PUM1: variants seen among roughly 807,000 people sequenced by gnomAD.
PUM1 encodes pumilio homolog 1.
A neutral mutation model predicts 131.8 loss-of-function variants in PUM1; 13 were observed. The ratio of observed to expected loss-of-function variants is 0.10; its 90% confidence interval spans 0.06 to 0.16. The LOEUF (loss-of-function observed/expected upper bound fraction) is 0.16. PUM1 is among the 10% of genes least tolerant of loss of function. The probability of loss-of-function intolerance (pLI) is 1.00; values close to 1 mark genes in which losing one functional copy is unlikely to be tolerated. For synonymous variants in PUM1, 509 were observed against 556.5 expected (o/e 0.91, Z 1.20); for missense variants, 961 against 1,512.4 (o/e 0.64, Z 6.05).
intron 3 of PUM1, among the ~76,000 whole-genome samples, chr1:31,012,149 T>C (rs548468123): frequency 3.3e-5 from 5 of 152,080 alleles, no homozygotes; most frequent in Admixed American, 1.3e-4. Context: ...CTTCCTCCTA[T>C]AGCCAACCAT....
At chr1:31,002,062 T>C (rs757149332) in intron 5 of PUM1, among the ~76,000 whole-genome samples, 1 of 152,216 alleles carries the variant, frequency 6.6e-6, no homozygotes, top group Non-Finnish European at 1.5e-5. Flanking sequence ...TTTTCACATA[T>C]GCTACACAGC....
chr1:30,991,916 A>C (rs1641807608), intron 7 of PUM1, among the ~76,000 whole-genome samples: 1 of 152,222 alleles, frequency 6.6e-6, no homozygotes, highest in Admixed American at 6.5e-5. Flanking sequence ...TACTTTTGAA[A>C]GATGCCAGAT....
chr1:30,975,517 ATTTTTTTTTTTTT>A (rs751510345), intron 9 of PUM1, among the ~76,000 whole-genome samples: 1 of 84,162 alleles, frequency 1.2e-5, no homozygotes, highest in East Asian at 3.3e-4. Flanking sequence ...TACCTGACTA[ATTTTTTTTTTTTT>A]TTTTTTTTTT....
intron 1 of PUM1, among the ~76,000 whole-genome samples, chr1:31,059,987 C>T (rs1490740226): frequency 1.3e-5 from 2 of 151,672 alleles, no homozygotes; most frequent in African/African-American, 2.4e-5. Context: ...GCTGGTACTA[C>T]AGGCGCCCAC....
intron 2 of PUM1, chr1:31,050,934 T>C (rs544795152): frequency 8.4e-6 from 2 of 239,000 alleles, no homozygotes; most frequent in South Asian, 5.2e-5. Context: ...CTCTCTCTTG[T>C]TGCGTATGCT....
At chr1:30,990,303 G>A (rs141506058) in intron 7 of PUM1, among the ~76,000 whole-genome samples, 138 of 152,208 alleles carry the variant, frequency 9.1e-4, no homozygotes, top group African/African-American at 3.1e-3. Flanking sequence ...ACTATTAGAC[G>A]AGTAATCACA....
At chr1:30,971,188 T>G (rs930830224) in intron 10 of PUM1, among the ~76,000 whole-genome samples, 1 of 152,154 alleles carries the variant, frequency 6.6e-6, no homozygotes, top group Non-Finnish European at 1.5e-5. Flanking sequence ...CCTAGAACAG[T>G]CAGCTTGACT....
chr1:31,019,971 T>C (rs1642962624), intron 3 of PUM1, among the ~76,000 whole-genome samples: 1 of 152,126 alleles, frequency 6.6e-6, no homozygotes, highest in East Asian at 1.9e-4. Flanking sequence ...TAATATATTG[T>C]GTGATGCTGA....
rs187740862 is a variant in PUM1 at position 31,012,394 on chromosome 1, T to C, written c.433-5292A>G. On this transcript the variant is annotated intron_variant, in intron 3 of 21. Transcript: ENST00000426105. ...CTATCATCCCCAGCAATAAAATAAA[T>C]AGACCTTGTACTCTTTCTTGTAATG... is the stretch of plus-strand genomic sequence containing the variant. Among the ~76,000 whole-genome samples, 177 of 152,052 alleles carry C rather than the reference T, an allele frequency of 1.2e-3. 1 individual carries two copies. The highest frequency in any genetic ancestry group is 3.4e-3 in the Middle Eastern group (1 of 292).
At chr1:30,964,985 A>G in intron 13 of PUM1, 75 bp from the exon 14 acceptor site, 1 of 1,279,662 alleles carries the variant, frequency 7.8e-7, no homozygotes, top group Non-Finnish European at 1.1e-6. Flanking sequence ...CCTGTTCCTA[A>G]CACTTTGATC....
intron 1 of PUM1, 41 bp downstream of exon 1, chr1:31,065,575 T>C: frequency 6.5e-7 from 1 of 1,537,646 alleles, no homozygotes; most frequent in Non-Finnish European, 8.7e-7. Context: ...TCGTTAGGGG[T>C]CCGGAGCAGC....
intron 2 of PUM1, among the ~76,000 whole-genome samples, chr1:31,053,459 C>T (rs1644160920): frequency 6.6e-6 from 1 of 150,768 alleles, no homozygotes; most frequent in African/African-American, 2.4e-5. Flanking sequence ...GCCTGTAATC[C>T]CAGCACTTTG....
At chr1:30,956,434 T>C (rs951571273) in intron 14 of PUM1, among the ~76,000 whole-genome samples, 1 of 152,134 alleles carries the variant, frequency 6.6e-6, no homozygotes, top group Non-Finnish European at 1.5e-5. Context: ...CGGCTAATTT[T>C]TGTACTTTTA....
chr1:30,996,741 T>C (rs959032519), intron 5 of PUM1, among the ~76,000 whole-genome samples: 8 of 152,194 alleles, frequency 5.3e-5, no homozygotes, highest in African/African-American at 9.6e-5. Flanking sequence ...ATGCACCACA[T>C]TGAGATTCCT....
Position 30,974,847 on chromosome 1 carries a change from GC to G in PUM1, c.1355-46del, listed in dbSNP as rs751755237. ...GGTAAAGAAAGTCTGAACTACTGAG[GC>G]TCATCTCAGCCTTTCCAAAATTACA... On this transcript the variant is annotated intron_variant, in intron 9 of 21. Transcript: ENST00000426105. 7 of 1,522,384 alleles carry G rather than the reference GC, an allele frequency of 4.6e-6. No homozygotes were observed. The African/African-American group carries it at 9.7e-5, about 21-fold the overall frequency. The allele number at this position is 1,522,384 out of a possible 1,614,324, so 94.3% of individuals were successfully genotyped here. A position where few individuals can be genotyped will look rare whatever the true frequency, so the allele number is the denominator to read the frequency against.
At chr1:31,018,619 C>T (rs1008518835) in intron 3 of PUM1, among the ~76,000 whole-genome samples, 2 of 152,086 alleles carry the variant, frequency 1.3e-5, no homozygotes, top group African/African-American at 4.8e-5. Flanking sequence ...GATCATGGCA[C>T]CGTAATCCAG....
chr1:31,065,333 T>C (rs1644459480), intron 1 of PUM1, among the ~76,000 whole-genome samples: 2 of 152,062 alleles, frequency 1.3e-5, no homozygotes, highest in South Asian at 2.1e-4. Flanking sequence ...GGCAAAAATG[T>C]AGAGGCACGT....
chr1:31,061,732 G>C (rs1410996210), intron 1 of PUM1: 1 of 152,316 alleles, frequency 6.6e-6, no homozygotes, highest in African/African-American at 2.4e-5. Flanking sequence ...GCTGAGGTGG[G>C]CAGACAGCTT....
intron 9 of PUM1, among the ~76,000 whole-genome samples, chr1:30,976,344 A>G (rs553516038): frequency 5.3e-5 from 8 of 152,324 alleles, no homozygotes; most frequent in Middle Eastern, 3.4e-3. Flanking sequence ...CTGCTGAAAC[A>G]TATCTCCAAG....
Sources: gnomAD v4.1 joint callset for allele counts (sites outside exome capture counted in the v4.1 genomes callset) on GRCh38, gnomAD v4.1.1 for gene constraint, MANE v1.5 for transcripts, NCBI Gene and HGNC (gene_info 2026-07-23, HGNC 2026-07-21) for gene names.